Variants in PRKAR2B observed in about 807,000 individuals in gnomAD.
The protein encoded by PRKAR2B is protein kinase cAMP-dependent type II regulatory subunit beta, also known as cAMP-dependent protein kinase type II-beta regulatory subunit.
Under a neutral mutation model 49.9 loss-of-function variants are expected in PRKAR2B, and 14 were observed. The ratio of observed to expected loss-of-function variants is 0.28; its 90% CI spans 0.19 to 0.44. The LOEUF (loss-of-function observed/expected upper bound fraction) is 0.44, where lower values mean the gene tolerates loss of function less well. PRKAR2B is among the 20% of genes least tolerant of loss of function. The pLI is 1.00. For synonymous variants in PRKAR2B, 196 were observed against 197.7 expected (o/e 0.99, Z 0.07); for missense variants, 393 against 537.9 (o/e 0.73, Z 2.67).
rs537995953 is a variant in PRKAR2B at position 107,072,498 on chromosome 7, G to C, written c.343+2182G>C. On this transcript the variant is annotated intron_variant, in intron 2 of 10. Coordinates refer to ENST00000265717, the MANE Select transcript of PRKAR2B (RefSeq NM_002736.3). The stretch of plus-strand genomic sequence containing the variant: ...TTTAATACTTTGAATAAAAAATGTG[G>C]TATAAGAAAAAAGGGAAGAGGATTT... Among the ~76,000 whole-genome samples the C allele has an allele frequency of 7.9e-5, 12 of 152,054 alleles. No homozygotes were observed. The East Asian group carries it at 2.1e-3, about 27-fold the overall frequency.
intron 1 of PRKAR2B, among the ~76,000 whole-genome samples, chr7:107,052,173 C>G (rs1199503391): frequency 6.6e-6 from 1 of 152,120 alleles, no homozygotes; most frequent in African/African-American, 2.4e-5. Context: ...ATTCCCAGCA[C>G]TCTGGGAGGC....
intron 2 of PRKAR2B, among the ~76,000 whole-genome samples, chr7:107,115,266 G>A (rs187354885): frequency 6.6e-6 from 1 of 152,014 alleles, no homozygotes; most frequent in Non-Finnish European, 1.5e-5. Flanking sequence ...TCAAGACAGG[G>A]TTATACAGTT....
chr7:107,149,079 T>A (rs1400629312), intron 6 of PRKAR2B, among the ~76,000 whole-genome samples: 1 of 152,190 alleles, frequency 6.6e-6, no homozygotes, highest in Admixed American at 6.5e-5. Context: ...CATATCAGAA[T>A]CACTTTGGGA....
chr7:107,101,371 C>A (rs1794963168), intron 2 of PRKAR2B, among the ~76,000 whole-genome samples: 1 of 152,130 alleles, frequency 6.6e-6, no homozygotes, highest in African/African-American at 2.4e-5. Flanking sequence ...AGGCAGTTTT[C>A]AAGTATACTA....
rs192619809 is a variant in PRKAR2B at position 107,154,460 on chromosome 7, C to A, written c.918+1209C>A. 2.9e-4 allele frequency among the ~76,000 whole-genome samples: 44 copies of A among 152,246 alleles called. No individual in the cohort carries two copies. The East Asian group carries it at 4.2e-3, about 15-fold the overall frequency. On this transcript the variant is annotated intron_variant, in intron 8 of 10. Transcript: ENST00000265717. ...TTAATAGACCTATTATGATTCAGAA[C>A]ACTCGAAAACTTAATATGAAGCTTT...
intron 4 of PRKAR2B, among the ~76,000 whole-genome samples, chr7:107,137,278 T>C (rs1795716000): frequency 6.6e-6 from 1 of 152,242 alleles, no homozygotes. Context: ...AGGTCTTTTC[T>C]GTCACCTAAA....
chr7:107,127,125 AT>A (rs1354708755), intron 3 of PRKAR2B, among the ~76,000 whole-genome samples: 1 of 152,150 alleles, frequency 6.6e-6, no homozygotes. Flanking sequence ...GCTGATTTAA[AT>A]TTCCCATTGT....
chr7:107,067,475 C>T (rs992101997), intron 1 of PRKAR2B: 6 of 152,084 alleles, frequency 3.9e-5, no homozygotes, highest in African/African-American at 1.4e-4. Context: ...CATTTACTGT[C>T]AGAAAATGAA....
intron 6 of PRKAR2B, 80 bp from the exon 7 acceptor site, chr7:107,150,840 TTG>T: frequency 3.0e-6 from 2 of 658,286 alleles, no homozygotes; most frequent in East Asian, 3.2e-5. Flanking sequence ...TCTTCAATCA[TTG>T]TTTCTTGTAG....
intron 2 of PRKAR2B, among the ~76,000 whole-genome samples, chr7:107,105,266 C>T (rs1795051117): frequency 6.6e-6 from 1 of 152,124 alleles, no homozygotes; most frequent in Non-Finnish European, 1.5e-5. Flanking sequence ...TGAAGGCAAG[C>T]ACTTAGAGCT....
intron 8 of PRKAR2B, among the ~76,000 whole-genome samples, chr7:107,155,088 CA>C (rs1227775001): frequency 6.6e-6 from 1 of 152,188 alleles, no homozygotes; most frequent in Non-Finnish European, 1.5e-5. Flanking sequence ...CTCAGGAGCA[CA>C]GGATCCGCAG....
At chr7:107,142,754 C>G (rs1181347624) in intron 5 of PRKAR2B, among the ~76,000 whole-genome samples, 2 of 151,972 alleles carry the variant, frequency 1.3e-5, no homozygotes, top group African/African-American at 4.8e-5. Flanking sequence ...AAAAAAACAG[C>G]CCAAGATTTT....
chr7:107,082,890 G>A (rs1481611609), intron 2 of PRKAR2B, among the ~76,000 whole-genome samples: 3 of 152,102 alleles, frequency 2.0e-5, no homozygotes, highest in African/African-American at 7.2e-5. Flanking sequence ...GTGAGCCACC[G>A]TGCCTGGCAT....
rs953125830 is a variant in PRKAR2B at position 107,060,522 on chromosome 7, A to C, written c.308-9759A>C. Among the ~76,000 whole-genome samples the C allele has an allele frequency of 3.3e-5, 5 of 152,102 alleles. No homozygotes were observed. In the East Asian group the frequency reaches 9.6e-4, roughly 29 times the overall value. On this transcript the variant is annotated intron_variant, in intron 1 of 10. Coordinates refer to ENST00000265717, the MANE Select transcript of PRKAR2B (RefSeq NM_002736.3). ...TTTCCTGTTCATTGACTGTATTTGT[A>C]GTTTATTTTCTTTGAAAATTTTTTG...
At chr7:107,108,879 C>T (rs953741360) in intron 2 of PRKAR2B, among the ~76,000 whole-genome samples, 2 of 152,192 alleles carry the variant, frequency 1.3e-5, no homozygotes, top group Non-Finnish European at 2.9e-5. Context: ...GAGTTCTTGG[C>T]TTTGCTCAGG....
chr7:107,155,070 G>A (rs374936453), intron 8 of PRKAR2B, among the ~76,000 whole-genome samples: 2 of 146,292 alleles, frequency 1.4e-5, no homozygotes, highest in Non-Finnish European at 2.9e-5. Context: ...TGCATGTCTC[G>A]GCACTTCCTC....
intron 1 of PRKAR2B, among the ~76,000 whole-genome samples, chr7:107,067,778 T>A (rs1384301767): frequency 6.6e-6 from 1 of 152,196 alleles, no homozygotes; most frequent in Non-Finnish European, 1.5e-5. Context: ...ATGATGAACA[T>A]CTATTAGTAA....
intron 1 of PRKAR2B, among the ~76,000 whole-genome samples, chr7:107,057,134 G>T (rs1363007338): frequency 8.6e-5 from 13 of 152,036 alleles, no homozygotes; most frequent in African/African-American, 2.7e-4. Context: ...TCCTCCCTCT[G>T]TTGCTTGAAT....
intron 4 of PRKAR2B, among the ~76,000 whole-genome samples, chr7:107,130,547 C>T (rs902319050): frequency 6.6e-6 from 1 of 151,938 alleles, no homozygotes; most frequent in African/African-American, 2.4e-5. Flanking sequence ...AAAGTTATGC[C>T]AAACCCTTGA....
Sources: allele counts gnomAD v4.1 joint callset (sites outside exome capture counted in the v4.1 genomes callset), GRCh38; gene constraint gnomAD v4.1.1; transcripts MANE v1.5; gene names NCBI Gene and HGNC (gene_info 2026-07-23, HGNC 2026-07-21).